The following ETV6 variants were observed in gnomAD, a reference collection of about 807,000 sequenced individuals.
ETV6 encodes ETS variant transcription factor 6.
Under a neutral mutation model 51.1 loss-of-function variants are expected in ETV6, and 16 were observed. The observed-to-expected ratio is 0.31, with a 90% CI of 0.21 to 0.48. The LOEUF is 0.48. ETV6 is among the 20% of genes least tolerant of loss of function. The probability of loss-of-function intolerance (pLI) is 0.99; values close to 1 mark genes in which losing one functional copy is unlikely to be tolerated. For missense variants in ETV6, 458 were observed against 594.8 expected (o/e 0.77, Z 2.39); for synonymous variants, 240 against 224.1 (o/e 1.07, Z -0.64).
chr12:11,843,789 G>A (rs1421905378), intron 3 of ETV6, among the ~76,000 whole-genome samples: 2 of 152,056 alleles, frequency 1.3e-5, no homozygotes, highest in African/African-American at 2.4e-5. Flanking sequence ...CAACCCCTAG[G>A]ATAAAGCAGG....
At chr12:11,832,855 A>G (rs993739060) in intron 2 of ETV6, among the ~76,000 whole-genome samples, 6 of 152,248 alleles carry the variant, frequency 3.9e-5, no homozygotes, top group Non-Finnish European at 2.9e-5. Context: ...CTTGATCAGT[A>G]TCCGTCCAAA....
intron 2 of ETV6, among the ~76,000 whole-genome samples, chr12:11,758,260 A>G (rs1304953430): frequency 6.6e-6 from 1 of 152,156 alleles, no homozygotes; most frequent in Non-Finnish European, 1.5e-5. Flanking sequence ...GGCTTCTTAG[A>G]AGTATCAGAG....
rs934731555 is a variant in ETV6, at chr12:11,869,657, T to C, written c.697T>C (p.Tyr233His). 1 of 1,614,160 alleles carries C rather than the reference T, an allele frequency of 6.2e-7. No homozygotes were observed. Among genetic ancestry groups the C allele is most frequent in the Admixed American group, 1.7e-5 (1 of 60,018 alleles). The change falls in exon 5 of 8, where the codon TAC (tyrosine) becomes CAC (histidine). Residue 233 changes from tyrosine to histidine, a missense_variant. This residue lies in a region of ETV6 where 293 missense variants were observed against 315.7 expected (regional missense o/e 0.93). Coordinates refer to ENST00000396373, the MANE Select transcript of ETV6 (RefSeq NM_001987.5). This position sits in a 1 kb window ranked among gnomAD's most constrained non-coding sequence, Gnocchi z 5.0. Reference protein sequence around the residue: ...PHQENNHQESYPLSVSPMENN... With the variant: ...PHQENNHQESHPLSVSPMENN... ...CCAGGAGAACAACCACCAGGAGTCCTACCCTCTGTCAGTGTCTCCCATGGA... is the reference window on the plus strand; with the variant it reads ...CCAGGAGAACAACCACCAGGAGTCCCACCCTCTGTCAGTGTCTCCCATGGA...
chr12:11,757,432 A>G (rs1486616854), intron 2 of ETV6, among the ~76,000 whole-genome samples: 2 of 151,846 alleles, frequency 1.3e-5, no homozygotes, highest in African/African-American at 4.8e-5. Context: ...GTTCCCAAAA[A>G]AAAAGAGGCA....
At chr12:11,747,263 C>G (rs1234737860) in intron 1 of ETV6, among the ~76,000 whole-genome samples, 1 of 152,154 alleles carries the variant, frequency 6.6e-6, no homozygotes, top group African/African-American at 2.4e-5. Flanking sequence ...GACCCAAACA[C>G]CATTTGGCTT....
At chr12:11,662,535 T>C (rs1196718814) in intron 1 of ETV6, among the ~76,000 whole-genome samples, 1 of 152,240 alleles carries the variant, frequency 6.6e-6, no homozygotes, top group African/African-American at 2.4e-5. Flanking sequence ...GGAAAGTTGG[T>C]CTGTGTACAT....
At chr12:11,750,361 C>G (rs1385358584) in intron 1 of ETV6, among the ~76,000 whole-genome samples, 6 of 152,148 alleles carry the variant, frequency 3.9e-5, no homozygotes, top group Non-Finnish European at 8.8e-5. Flanking sequence ...GCATGGAGGG[C>G]CGGGTTTCTC....
chr12:11,869,450 C>G lies in ETV6; in HGVS notation c.490C>G (p.Pro164Ala). Residue 164 changes from proline to alanine, a missense_variant, in exon 5 of 8, where the codon CCA becomes GCA. By Grantham distance (27) the Pro-to-Ala change is conservative. Transcript: ENST00000396373. This position sits in a 1 kb window ranked among gnomAD's most constrained non-coding sequence, Gnocchi z 5.0. ...EDNCVQRTPR[P>A]SVDNVHHNPP... ...TAACTGTGTCCAGAGGACCCCCAGG[C>G]CATCCGTGGATAATGTGCACCATAA... 6.2e-7 allele frequency: 1 copy of G among 1,612,668 alleles called. No individual in the cohort carries two copies. Among genetic ancestry groups the G allele is most frequent in the Middle Eastern group, 1.7e-4 (1 of 6,056 alleles).
intron 1 of ETV6, among the ~76,000 whole-genome samples, chr12:11,682,256 A>G (rs1864544486): frequency 3.3e-5 from 5 of 152,222 alleles, no homozygotes; most frequent in African/African-American, 9.7e-5. Context: ...AATGATCGCC[A>G]TTCTAACTGG....
intron 7 of ETV6, among the ~76,000 whole-genome samples, chr12:11,890,253 T>C (rs915894338): frequency 2.0e-5 from 3 of 151,986 alleles, no homozygotes; most frequent in African/African-American, 7.3e-5. Flanking sequence ...TACCATTTCC[T>C]GGGCTCACAG....
intron 4 of ETV6, among the ~76,000 whole-genome samples, chr12:11,855,066 CG>C (rs1248287554): frequency 3.3e-5 from 5 of 150,086 alleles, no homozygotes; most frequent in Non-Finnish European, 7.4e-5. Flanking sequence ...GAGGCCGAGG[CG>C]GGCGGATCAC....
rs1403432149 is a variant in ETV6 at position 11,884,637 on chromosome 12, C to G, written c.1152+50C>G. 3 of 1,604,856 alleles carry G rather than the reference C, an allele frequency of 1.9e-6. No individual in the cohort carries two copies. The South Asian group carries it at 3.3e-5, about 18-fold the overall frequency. On this transcript the variant is annotated intron_variant, in intron 6 of 7. Coordinates refer to ENST00000396373, the MANE Select transcript of ETV6 (RefSeq NM_001987.5). The stretch of plus-strand genomic sequence containing the variant: ...CCATAAACTAGTGCCAAAATGAAGT[C>G]CTTATCCCTGGATTGGAGGATAATC...
intron 2 of ETV6, among the ~76,000 whole-genome samples, chr12:11,810,471 CAGAACCA>C (rs1480211972): frequency 6.6e-6 from 1 of 152,184 alleles, no homozygotes; most frequent in Non-Finnish European, 1.5e-5. Context: ...CCCCTCAGCT[CAGAACCA>C]AGCATCTGTG....
At chr12:11,664,373 ATGT>A (rs1864157153) in intron 1 of ETV6, among the ~76,000 whole-genome samples, 2 of 151,652 alleles carry the variant, frequency 1.3e-5, no homozygotes, top group Non-Finnish European at 2.9e-5. Flanking sequence ...CTGCCAAGAG[ATGT>A]TGATGAGTGG....
chr12:11,808,815 G>A (rs1945868789), intron 2 of ETV6, among the ~76,000 whole-genome samples: 1 of 152,126 alleles, frequency 6.6e-6, no homozygotes, highest in African/African-American at 2.4e-5. Flanking sequence ...GAAGAGAAAG[G>A]ATGAATAGAA....
In ETV6 at chr12:11,885,988, C is replaced by G. The variant is rs1947177360; in HGVS notation, c.1215C>G (p.Asn405Lys). 1 of 1,613,960 alleles carries G rather than the reference C, an allele frequency of 6.2e-7. No homozygotes were observed. The highest frequency in any genetic ancestry group is 8.5e-7 in the Non-Finnish European group (1 of 1,179,874). The change falls in exon 7 of 8, where the codon AAC becomes AAG. Residue 405 changes from asparagine (N) to lysine (K), a missense_variant. Asn to Lys is a moderately conservative substitution (Grantham distance 94, BLOSUM62 0). Around this residue, in one of 4 missense-constraint regions of ETV6, gnomAD observed 55 missense variants for 151.2 expected, o/e 0.36. Coordinates refer to ENST00000396373, the MANE Select transcript of ETV6 (RefSeq NM_001987.5). ...CCCTGCGCCACTACTACAAACTAAA[C>G]ATTATCAGGAAGGAGCCAGGACAAA... ...SRALRHYYKL[N>K]IIRKEPGQRL...
intron 1 of ETV6, among the ~76,000 whole-genome samples, chr12:11,716,189 G>A (rs1865273213): frequency 6.6e-6 from 1 of 151,926 alleles, no homozygotes; most frequent in African/African-American, 2.4e-5. Flanking sequence ...AAATTAGCCG[G>A]GCATGGTGGT....
chr12:11,819,316 CCTCT>C (rs1946042228), intron 2 of ETV6, among the ~76,000 whole-genome samples: 1 of 152,202 alleles, frequency 6.6e-6, no homozygotes. Flanking sequence ...ATACCACTGT[CCTCT>C]GACTTGTCCC....
intron 2 of ETV6, among the ~76,000 whole-genome samples, chr12:11,769,468 C>A (rs1013148848): frequency 2.6e-5 from 4 of 151,810 alleles, no homozygotes; most frequent in Non-Finnish European, 5.9e-5. Flanking sequence ...TTTGATGGTA[C>A]CTGATTATAA....
Sources: gnomAD v4.1 joint callset for allele counts (sites outside exome capture counted in the v4.1 genomes callset) on GRCh38, gnomAD v4.1.1 for gene constraint, gnomAD v4.1.1 regional missense constraint, Gnocchi (gnomAD v3.1) non-coding constraint, MANE v1.5 for transcripts, NCBI Gene and HGNC (gene_info 2026-07-23, HGNC 2026-07-21) for gene names.